RIMS2: variants seen among roughly 807,000 people sequenced by gnomAD.
The protein encoded by RIMS2 is regulating synaptic membrane exocytosis protein 2.
Under a neutral mutation model 174.4 loss-of-function variants are expected in RIMS2, and 59 were observed. That is an observed-to-expected ratio of 0.34 (90% CI 0.27 to 0.42). The LOEUF (loss-of-function observed/expected upper bound fraction) is 0.42, where lower values mean the gene tolerates loss of function less well. Ranked by LOEUF, RIMS2 falls within the 10% of genes least tolerant of loss-of-function variation. The probability of loss-of-function intolerance (pLI) is 1.00; values close to 1 mark genes in which losing one functional copy is unlikely to be tolerated. For missense variants in RIMS2, 1,620 were observed against 1,666.3 expected, an observed-to-expected ratio of 0.97 and a Z score of 0.48; for synonymous variants, 606 against 572.5, an observed-to-expected ratio of 1.06 and a Z score of -0.84.
chr8:103,724,104 G>A (rs1468745469), intron 2 of RIMS2, among the ~76,000 whole-genome samples: 2 of 149,198 alleles, frequency 1.3e-5, no homozygotes, highest in African/African-American at 2.5e-5. Context: ...CTGCAGGGAT[G>A]TGAGGGAGGG....
At chr8:103,822,497 A>G (rs2098758034) in intron 3 of RIMS2, among the ~76,000 whole-genome samples, 2 of 151,876 alleles carry the variant, frequency 1.3e-5, no homozygotes, top group Non-Finnish European at 3.0e-5. Context: ...TGATTAAATG[A>G]AATTTATCTA....
intron 3 of RIMS2, among the ~76,000 whole-genome samples, chr8:103,793,486 C>G (rs1383992167): frequency 6.6e-6 from 1 of 152,118 alleles, no homozygotes; most frequent in East Asian, 1.9e-4. Context: ...ACTGAATGGG[C>G]AAAAACTGGA....
At chr8:103,723,842 T>G (rs1361869142) in intron 2 of RIMS2, among the ~76,000 whole-genome samples, 1 of 152,110 alleles carries the variant, frequency 6.6e-6, no homozygotes, top group African/African-American at 2.4e-5. Flanking sequence ...ACAGGAACCT[T>G]GGTGTGTAGG....
intron 19 of RIMS2, among the ~76,000 whole-genome samples, chr8:104,173,613 A>ATTT (rs71297262): frequency 0.012 from 625 of 54,238 alleles, 154 homozygotes; most frequent in South Asian, 0.018. Flanking sequence ...AGCTCTTCTG[A>ATTT]TTTTTTTTTT....
At chr8:103,855,275 A>G (rs2099021630) in intron 3 of RIMS2, among the ~76,000 whole-genome samples, 1 of 151,524 alleles carries the variant, frequency 6.6e-6, no homozygotes, top group Admixed American at 6.6e-5. Flanking sequence ...TTATCTATCA[A>G]TCTTGTTTAT....
chr8:103,777,756 T>A (rs1449169116), intron 3 of RIMS2, among the ~76,000 whole-genome samples: 1 of 151,970 alleles, frequency 6.6e-6, no homozygotes, highest in African/African-American at 2.4e-5. Context: ...AAAAGTATTT[T>A]AAAATGGGCT....
At chr8:104,147,159 T>C (rs2133906074) in intron 19 of RIMS2, among the ~76,000 whole-genome samples, 1 of 152,254 alleles carries the variant, frequency 6.6e-6, no homozygotes, top group Admixed American at 6.5e-5. Context: ...CATTTCAGGA[T>C]ATTGCAGAAA....
At chr8:103,520,051 A>G (rs1830887933) in intron 1 of RIMS2, among the ~76,000 whole-genome samples, 1 of 152,116 alleles carries the variant, frequency 6.6e-6, no homozygotes. Context: ...GGGCTTTGGC[A>G]TTAGTCAACT....
chr8:103,720,289 C>T (rs2097429041), intron 2 of RIMS2, among the ~76,000 whole-genome samples: 1 of 152,074 alleles, frequency 6.6e-6, no homozygotes, highest in Admixed American at 6.5e-5. Flanking sequence ...TTGTTATTCT[C>T]ATATAGAGTT....
intron 1 of RIMS2, among the ~76,000 whole-genome samples, chr8:103,503,058 G>A (rs549299758): frequency 6.6e-6 from 1 of 151,880 alleles, no homozygotes; most frequent in African/African-American, 2.4e-5. Context: ...AGTTTAGATA[G>A]AAACAAATGT....
chr8:104,134,284 G>A (rs982924273), intron 19 of RIMS2, among the ~76,000 whole-genome samples: 4 of 152,110 alleles, frequency 2.6e-5, no homozygotes, highest in Admixed American at 6.5e-5. Flanking sequence ...GACCAGCATG[G>A]TGAGATCTCA....
chr8:104,063,595 T>A (rs567019124), intron 19 of RIMS2, among the ~76,000 whole-genome samples: 114 of 152,332 alleles, frequency 7.5e-4, no homozygotes, highest in African/African-American at 2.5e-3. Context: ...AATTTCTGAC[T>A]TCCAAGATGT....
At chr8:103,614,841 C>T (rs7825033) in intron 1 of RIMS2, among the ~76,000 whole-genome samples, 26,815 of 152,136 alleles carry the variant, frequency 0.18, 2,569 homozygotes, top group African/African-American at 0.23. Context: ...ATACATGTTT[C>T]GGGACAGTGC....
intron 1 of RIMS2, among the ~76,000 whole-genome samples, chr8:103,508,198 A>G (rs182255738): frequency 3.7e-4 from 56 of 152,190 alleles, no homozygotes; most frequent in African/African-American, 1.1e-3. Context: ...TTTAACCATT[A>G]TCAGGTAATT....
chr8:103,572,876 C>T (rs1279549604), intron 1 of RIMS2, among the ~76,000 whole-genome samples: 2 of 152,092 alleles, frequency 1.3e-5, no homozygotes, highest in Non-Finnish European at 2.9e-5. Flanking sequence ...TTGATAGCTT[C>T]TTTTGCTGTA....
At chr8:104,100,040 C>G (rs983320309) in intron 19 of RIMS2, among the ~76,000 whole-genome samples, 1 of 151,988 alleles carries the variant, frequency 6.6e-6, no homozygotes, top group African/African-American at 2.4e-5. Context: ...GGGCTGGTTT[C>G]GAACCCCTGG....
intron 3 of RIMS2, among the ~76,000 whole-genome samples, chr8:103,814,448 G>T (rs956090889): frequency 5.0e-4 from 76 of 151,078 alleles, no homozygotes; most frequent in African/African-American, 1.8e-3. Context: ...TAAAAAGAAA[G>T]AATTTACACT....
At chr8:104,204,820 C>A (rs1013122536) in intron 19 of RIMS2, among the ~76,000 whole-genome samples, 22 of 152,114 alleles carry the variant, frequency 1.4e-4, no homozygotes, top group African/African-American at 5.3e-4. Context: ...ATAAGTTTGC[C>A]TATACGTTTT....
intron 11 of RIMS2, among the ~76,000 whole-genome samples, chr8:103,928,704 C>T (rs891405637): frequency 4.6e-5 from 7 of 150,884 alleles, no homozygotes; most frequent in African/African-American, 1.7e-4. Context: ...AAAATATTTA[C>T]CTATGCTGCT....
Sources: gnomAD v4.1 joint callset for allele counts (sites outside exome capture counted in the v4.1 genomes callset) on GRCh38, gnomAD v4.1.1 for gene constraint, MANE v1.5 for transcripts, NCBI Gene and HGNC (gene_info 2026-07-23, HGNC 2026-07-21) for gene names.